The following CSMD1 variants were observed in gnomAD, a reference collection of about 807,000 sequenced individuals.
The protein encoded by CSMD1 is CUB and Sushi multiple domains 1, also known as CUB and sushi domain-containing protein 1.
A neutral mutation model predicts 417.5 loss-of-function variants in CSMD1; 213 were observed. That is an observed-to-expected ratio of 0.51 (90% CI 0.46 to 0.57). The LOEUF (loss-of-function observed/expected upper bound fraction) is 0.57, where lower values mean the gene tolerates loss of function less well. Ranked by LOEUF, CSMD1 falls within the 20% of genes least tolerant of loss-of-function variation. The pLI, the probability that CSMD1 is intolerant of heterozygous loss-of-function variation, is 0.00. For synonymous variants in CSMD1, 2,862 were observed against 1,736.8 expected (o/e 1.65, Z -16.11); for missense variants, 6,923 against 4,529.7 (o/e 1.53, Z -15.17).
At chr8:3,241,335 T>A (rs111339352) in intron 26 of CSMD1, among the ~76,000 whole-genome samples, 3 of 150,896 alleles carry the variant, frequency 2.0e-5, no homozygotes, top group African/African-American at 7.3e-5. Flanking sequence ...GGGAAACAGG[T>A]CCTTGAAAAG....
chr8:4,008,344 C>T (rs954948574), intron 4 of CSMD1, among the ~76,000 whole-genome samples: 6 of 151,700 alleles, frequency 4.0e-5, no homozygotes, highest in African/African-American at 7.3e-5. Flanking sequence ...ATGGAAGCTC[C>T]TTTTATTCCA....
At chr8:3,468,681 T>C in intron 12 of CSMD1, 31 bp downstream of exon 12, 2 of 1,438,728 alleles carry the variant, frequency 1.4e-6, no homozygotes, top group Non-Finnish European at 9.6e-7. Flanking sequence ...AATGCTAACT[T>C]CCAACCCTGT....
At chr8:4,362,818 T>C (rs1214028680) in intron 3 of CSMD1, among the ~76,000 whole-genome samples, 1 of 152,226 alleles carries the variant, frequency 6.6e-6, no homozygotes, top group Non-Finnish European at 1.5e-5. Context: ...AGTTTGATTT[T>C]ATAATATGGG....
At chr8:3,765,809 T>G (rs1162133389) in intron 5 of CSMD1, among the ~76,000 whole-genome samples, 3 of 152,044 alleles carry the variant, frequency 2.0e-5, no homozygotes, top group Non-Finnish European at 4.4e-5. Context: ...TGGAGACAGG[T>G]CTCAGGAATC....
At chr8:4,972,102 T>C (rs1810272507) in intron 1 of CSMD1, among the ~76,000 whole-genome samples, 2 of 152,232 alleles carry the variant, frequency 1.3e-5, no homozygotes, top group South Asian at 4.1e-4. Context: ...TTCAAGCCTA[T>C]CTGATAAAAG....
intron 68 of CSMD1, among the ~76,000 whole-genome samples, chr8:2,946,468 T>A (rs541869461): frequency 6.6e-6 from 1 of 152,286 alleles, no homozygotes; most frequent in Admixed American, 6.5e-5. Flanking sequence ...TATGGACATC[T>A]CCTGTAATGG....
chr8:4,498,333 A>G (rs1802080771), intron 2 of CSMD1, among the ~76,000 whole-genome samples: 1 of 152,144 alleles, frequency 6.6e-6, no homozygotes, highest in Non-Finnish European at 1.5e-5. Context: ...AGACACACAC[A>G]CGTTAACTTA....
intron 5 of CSMD1, among the ~76,000 whole-genome samples, chr8:3,985,469 G>A (rs985427888): frequency 6.6e-6 from 1 of 152,096 alleles, no homozygotes; most frequent in Non-Finnish European, 1.5e-5. Flanking sequence ...ACACATTTTA[G>A]AACATAATTG....
At chr8:4,465,919 G>T (rs556760563) in intron 2 of CSMD1, among the ~76,000 whole-genome samples, 1 of 152,174 alleles carries the variant, frequency 6.6e-6, no homozygotes, top group African/African-American at 2.4e-5. Flanking sequence ...AGCCATAGAA[G>T]AAGGAAAAGT....
intron 1 of CSMD1, among the ~76,000 whole-genome samples, chr8:4,682,955 CAT>C (rs10566841): frequency 0.066 from 7,819 of 117,846 alleles, 195 homozygotes; most frequent in Middle Eastern, 0.1. Flanking sequence ...TAAGTATCTT[CAT>C]ATATATATAT....
chr8:4,814,163 G>A (rs1244572567), intron 1 of CSMD1, among the ~76,000 whole-genome samples: 1 of 152,198 alleles, frequency 6.6e-6, no homozygotes, highest in Admixed American at 6.5e-5. Flanking sequence ...AAAACTGCAA[G>A]AAAATTAGGT....
intron 26 of CSMD1, among the ~76,000 whole-genome samples, chr8:3,258,214 A>T (rs1461734430): frequency 6.6e-6 from 1 of 152,224 alleles, no homozygotes; most frequent in Non-Finnish European, 1.5e-5. Flanking sequence ...AAAATGTCTA[A>T]TATCCAGCAT....
rs78561583 is a variant in CSMD1, at chr8:3,675,870, C to T, written c.1009+32544G>A. 1.4e-4 allele frequency among the ~76,000 whole-genome samples: 21 copies of T among 152,308 alleles called. No individual in the cohort carries two copies. In the East Asian group the frequency reaches 2.7e-3, roughly 20 times the overall value. On this transcript the variant is annotated intron_variant, in intron 7 of 69. Transcript: ENST00000635120. ...CTTATGCAAATTTTCTAGACTAACGCTACTTCTCATGATTCTGTCTTGCTG... is the reference window on the plus strand; with the variant it reads ...CTTATGCAAATTTTCTAGACTAACGTTACTTCTCATGATTCTGTCTTGCTG...
At chr8:3,227,334 G>T (rs1012381807) in intron 27 of CSMD1, among the ~76,000 whole-genome samples, 1 of 152,138 alleles carries the variant, frequency 6.6e-6, no homozygotes, top group African/African-American at 2.4e-5. Context: ...ACGGAAGGAG[G>T]TTGCAGTGAG....
intron 7 of CSMD1, among the ~76,000 whole-genome samples, chr8:3,617,948 G>A (rs1167196434): frequency 6.6e-5 from 10 of 152,122 alleles, no homozygotes; most frequent in Admixed American, 1.3e-4. Flanking sequence ...TGTGGAACTC[G>A]TGAAGCATTT....
chr8:4,137,361 C>T (rs531386698), intron 3 of CSMD1, among the ~76,000 whole-genome samples: 2 of 77,494 alleles, frequency 2.6e-5, no homozygotes, highest in African/African-American at 5.9e-5. Context: ...ATAGAGAATG[C>T]AAACTTCTTA....
intron 1 of CSMD1, among the ~76,000 whole-genome samples, chr8:4,772,437 G>T (rs1257392934): frequency 6.6e-6 from 1 of 152,086 alleles, no homozygotes; most frequent in Non-Finnish European, 1.5e-5. Flanking sequence ...CTATTTTAAG[G>T]CCTATAGCTT....
At chr8:3,374,748 A>G (rs886895497) in intron 18 of CSMD1, among the ~76,000 whole-genome samples, 12 of 152,006 alleles carry the variant, frequency 7.9e-5, no homozygotes, top group African/African-American at 2.9e-4. Flanking sequence ...TCATTCCAGG[A>G]TCCTACGGCT....
chr8:4,893,455 GTTTA>G (rs1277978273), intron 1 of CSMD1, among the ~76,000 whole-genome samples: 2 of 151,890 alleles, frequency 1.3e-5, no homozygotes, highest in Non-Finnish European at 2.9e-5. Context: ...TGTCTTCAGG[GTTTA>G]TTTGTTGTCT....
Sources: allele counts gnomAD v4.1 joint callset (sites outside exome capture counted in the v4.1 genomes callset), GRCh38; gene constraint gnomAD v4.1.1; transcripts MANE v1.5; gene names NCBI Gene and HGNC (gene_info 2026-07-23, HGNC 2026-07-21).